The following TENM2 variants were observed in gnomAD, a reference collection of about 807,000 sequenced individuals.
TENM2 encodes the protein teneurin-2.
In TENM2, 52 loss-of-function variants were observed where a neutral mutation model predicts 245.2. The ratio of observed to expected loss-of-function variants is 0.21; its 90% CI spans 0.17 to 0.27. The LOEUF (loss-of-function observed/expected upper bound fraction) is 0.27, where lower values mean the gene tolerates loss of function less well. TENM2 is among the 10% of genes least tolerant of loss of function. TENM2 has a pLI of 1.00. For synonymous variants in TENM2, 1,363 were observed against 1,438.9 expected (o/e 0.95, Z 1.19); for missense variants, 3,046 against 3,666.8 (o/e 0.83, Z 4.37).
chr5:167,725,467 G>A (rs540751202), intron 2 of TENM2, among the ~76,000 whole-genome samples: 26 of 152,204 alleles, frequency 1.7e-4, no homozygotes, highest in African/African-American at 4.3e-4. Flanking sequence ...ACTGAATGCC[G>A]CTGACCACGT....
intron 2 of TENM2, among the ~76,000 whole-genome samples, chr5:167,776,161 CCACACA>C (rs66740766): frequency 2.0e-4 from 26 of 133,136 alleles, no homozygotes; most frequent in Non-Finnish European, 2.8e-4. Flanking sequence ...AAAAAAAAAT[CCACACA>C]CACACACACA....
intron 2 of TENM2, among the ~76,000 whole-genome samples, chr5:167,837,879 G>A (rs1301023620): frequency 2.6e-5 from 4 of 151,954 alleles, no homozygotes; most frequent in African/African-American, 9.7e-5. Context: ...ACTTAGCGCA[G>A]CATATGAAAC....
chr5:168,006,271 T>C (rs1227300896), intron 5 of TENM2, among the ~76,000 whole-genome samples: 1 of 152,154 alleles, frequency 6.6e-6, no homozygotes, highest in Non-Finnish European at 1.5e-5. Flanking sequence ...CAGAAAAGAC[T>C]ACCCTAAAGC....
chr5:168,108,857 G>A (rs1035074740), intron 9 of TENM2, among the ~76,000 whole-genome samples: 3 of 151,480 alleles, frequency 2.0e-5, no homozygotes, highest in Non-Finnish European at 2.9e-5. Context: ...CCTCTGCACC[G>A]CGGAGAACAA....
chr5:167,159,447 C>T, the TENM2 span, among the ~76,000 whole-genome samples: 1 of 151,990 alleles, frequency 6.6e-6, no homozygotes, highest in Non-Finnish European at 1.5e-5. Context: ...ATATTGTATT[C>T]CTGAAAAACG....
the TENM2 span, among the ~76,000 whole-genome samples, chr5:167,276,774 T>G: frequency 6.6e-6 from 1 of 152,140 alleles, no homozygotes; most frequent in African/African-American, 2.4e-5. Flanking sequence ...TTTGTTATAC[T>G]GTATTGATTT....
intron 2 of TENM2, among the ~76,000 whole-genome samples, chr5:167,566,063 A>G (rs1773887837): frequency 6.6e-6 from 1 of 152,186 alleles, no homozygotes; most frequent in Non-Finnish European, 1.5e-5. Context: ...GTACATCTAA[A>G]GTTTTAGGAA....
chr5:167,694,988 TC>T, intron 2 of TENM2, among the ~76,000 whole-genome samples: 1 of 152,210 alleles, frequency 6.6e-6, no homozygotes, highest in East Asian at 1.9e-4. Flanking sequence ...TCCTGTATAT[TC>T]TCAGACAACA....
At chr5:168,109,021 C>T (rs188636306) in intron 9 of TENM2, among the ~76,000 whole-genome samples, 3 of 152,278 alleles carry the variant, frequency 2.0e-5, no homozygotes, top group East Asian at 3.9e-4. Context: ...TCCTTCAAAC[C>T]TTCCATCATT....
At chr5:167,952,323 G>A (rs1780175273) in intron 3 of TENM2, 7 of 569,382 alleles carry the variant, frequency 1.2e-5, no homozygotes, top group Non-Finnish European at 2.2e-5. Context: ...TAATTCCTCT[G>A]GTCAGCCCTT....
intron 2 of TENM2, among the ~76,000 whole-genome samples, chr5:167,438,729 G>A (rs1449116342): frequency 6.6e-6 from 1 of 151,990 alleles, no homozygotes; most frequent in Non-Finnish European, 1.5e-5. Context: ...TCCGTGCAAA[G>A]TGTATCTAAG....
chr5:167,732,324 A>G (rs912282765), intron 2 of TENM2, among the ~76,000 whole-genome samples: 8 of 152,156 alleles, frequency 5.3e-5, no homozygotes, highest in Admixed American at 1.3e-4. Flanking sequence ...CAGGGAGAAA[A>G]TGTGTCCCTT....
intron 7 of TENM2, among the ~76,000 whole-genome samples, chr5:168,084,227 A>G (rs948967089): frequency 2.0e-5 from 3 of 152,234 alleles, no homozygotes; most frequent in Admixed American, 1.3e-4. Context: ...ATATGAGTGC[A>G]TGTGTCATTT....
At chr5:168,068,241 A>G (rs1457966885) in intron 7 of TENM2, among the ~76,000 whole-genome samples, 1 of 152,144 alleles carries the variant, frequency 6.6e-6, no homozygotes, top group Non-Finnish European at 1.5e-5. Context: ...ATGTTTTACA[A>G]GAAGGACAAG....
intron 2 of TENM2, among the ~76,000 whole-genome samples, chr5:167,531,292 A>G (rs1156968908): frequency 6.6e-6 from 1 of 152,150 alleles, no homozygotes; most frequent in African/African-American, 2.4e-5. Context: ...ACTGCAGTCT[A>G]CTATTTCTTT....
At chr5:167,882,546 A>G (rs1366127043) in intron 3 of TENM2, among the ~76,000 whole-genome samples, 1 of 152,202 alleles carries the variant, frequency 6.6e-6, no homozygotes, top group Non-Finnish European at 1.5e-5. Flanking sequence ...AGTTTAATTG[A>G]CTCACAGTTC....
the TENM2 span, among the ~76,000 whole-genome samples, chr5:167,109,230 AT>A: frequency 7.6e-3 from 1,115 of 145,792 alleles, 8 homozygotes; most frequent in African/African-American, 0.021. Flanking sequence ...AAATCTTTTA[AT>A]TTTTTTTTTT....
chr5:167,210,446 A>C, the TENM2 span, among the ~76,000 whole-genome samples: 1,625 of 139,630 alleles, frequency 0.012, 32 homozygotes, highest in African/African-American at 0.043. Flanking sequence ...TGCACTTTTC[A>C]CTGCATTTTT....
chr5:167,932,888 C>T (rs963424037), intron 3 of TENM2, among the ~76,000 whole-genome samples: 1 of 152,148 alleles, frequency 6.6e-6, no homozygotes, highest in Non-Finnish European at 1.5e-5. Flanking sequence ...CCTGTCTTCC[C>T]CACCAACCAT....
Sources: gnomAD v4.1 joint callset for allele counts (sites outside exome capture counted in the v4.1 genomes callset) on GRCh38, gnomAD v4.1.1 for gene constraint, MANE v1.5 for transcripts, NCBI Gene and HGNC (gene_info 2026-07-23, HGNC 2026-07-21) for gene names.